Variants in FGF13 observed in about 807,000 individuals in gnomAD.
FGF13 encodes the protein fibroblast growth factor homologous factor 2.
A neutral mutation model predicts 19.5 loss-of-function variants in FGF13; 2 were observed. That is an observed-to-expected ratio of 0.10 (90% CI 0.04 to 0.32). The LOEUF (loss-of-function observed/expected upper bound fraction) is 0.32, where lower values mean the gene tolerates loss of function less well. Ranked by LOEUF, FGF13 falls within the 10% of genes least tolerant of loss-of-function variation. FGF13 has a pLI of 1.00. For synonymous variants in FGF13, 72 were observed against 76.9 expected (o/e 0.94, Z 0.33); for missense variants, 113 against 192.7 (o/e 0.59, Z 2.45).
intron 1 of FGF13, among the ~76,000 whole-genome samples, chrX:139,193,983 A>ACAT (rs749138060): frequency 8.9e-6 from 1 of 112,086 alleles, no homozygotes; most frequent in East Asian, 2.8e-4. Context: ...CCATATGGGC[A>ACAT]CATATTCATA....
chrX:138,885,563 C>T (rs968304197), intron 1 of FGF13, among the ~76,000 whole-genome samples: 7 of 109,584 alleles, frequency 6.4e-5, no homozygotes, highest in Non-Finnish European at 1.1e-4. Context: ...GCTCACTCTA[C>T]TTCAGCCACA....
chrX:139,142,077 G>C (rs766324797), intron 1 of FGF13, among the ~76,000 whole-genome samples: 2 of 111,774 alleles, frequency 1.8e-5, no homozygotes, highest in South Asian at 7.5e-4. Flanking sequence ...ACATAGGCAA[G>C]TGAAAAAAAC....
At chrX:138,959,160 G>C (rs754888454) in intron 1 of FGF13, among the ~76,000 whole-genome samples, 1 of 111,694 alleles carries the variant, frequency 9.0e-6, no homozygotes, top group Admixed American at 9.5e-5. Flanking sequence ...TGGGCATTTA[G>C]TGCTCTAAAT....
chrX:138,713,158 C>T (rs1483408873), upstream of FGF13, among the ~76,000 whole-genome samples: 1 of 112,449 alleles, frequency 8.9e-6, no homozygotes, highest in African/African-American at 3.2e-5. Context: ...CTCTTTTGTG[C>T]TTTTGGCTTT....
intron 1 of FGF13, among the ~76,000 whole-genome samples, chrX:139,012,209 A>G (rs975127081): frequency 8.9e-6 from 1 of 112,201 alleles, no homozygotes; most frequent in African/African-American, 3.2e-5. Context: ...ACAAACAAAT[A>G]GAAACACATC....
intron 1 of FGF13, among the ~76,000 whole-genome samples, chrX:139,089,342 G>A (rs983540284): frequency 8.9e-6 from 1 of 112,274 alleles, no homozygotes; most frequent in African/African-American, 3.2e-5. Flanking sequence ...CCTTTGCACT[G>A]TTTAAAATAA....
At chrX:139,113,879 T>C (rs1055370257) in intron 1 of FGF13, among the ~76,000 whole-genome samples, 2 of 112,043 alleles carry the variant, frequency 1.8e-5, no homozygotes, top group African/African-American at 6.5e-5. Flanking sequence ...AGCGCCCTTC[T>C]GGCTCCAATA....
chrX:138,676,038 C>T (rs770611539), intron 3 of FGF13, among the ~76,000 whole-genome samples: 5 of 111,352 alleles, frequency 4.5e-5, no homozygotes, highest in Middle Eastern at 4.7e-3. Context: ...GCTAAATCAT[C>T]GAGAAAAATG....
At chrX:138,712,026 C>T (rs934677869), upstream of FGF13, 1 of 111,094 alleles carries the variant, frequency 9.0e-6, no homozygotes, top group African/African-American at 3.3e-5. Context: ...GGTGTTTCCT[C>T]AGTGTTTGAG....
chrX:139,046,341 C>G (rs528120891), intron 1 of FGF13, among the ~76,000 whole-genome samples: 2 of 111,451 alleles, frequency 1.8e-5, no homozygotes, highest in African/African-American at 6.6e-5. Flanking sequence ...ACACCTTCCA[C>G]GACGCCCCAC....
intron 1 of FGF13, among the ~76,000 whole-genome samples, chrX:139,031,828 A>G (rs2092227712): frequency 9.1e-6 from 1 of 110,475 alleles, no homozygotes; most frequent in South Asian, 3.8e-4. Flanking sequence ...TGACACCAGA[A>G]CTCCTTGAAA....
At chrX:138,799,129 C>T (rs781291574) in intron 3 of FGF13, among the ~76,000 whole-genome samples, 2 of 111,459 alleles carry the variant, frequency 1.8e-5, no homozygotes, top group Non-Finnish European at 3.8e-5. Flanking sequence ...TCTTGCTTCT[C>T]TAGTTCTTTT....
chrX:138,857,079 G>A (rs774492160), downstream of FGF13, among the ~76,000 whole-genome samples: 1 of 112,077 alleles, frequency 8.9e-6, no homozygotes, highest in South Asian at 3.7e-4. Context: ...CAAGTGCAAT[G>A]CAAAAGCTTT....
At chrX:139,166,734 A>C (rs1339745595) in intron 1 of FGF13, among the ~76,000 whole-genome samples, 4 of 111,605 alleles carry the variant, frequency 3.6e-5, no homozygotes, top group Non-Finnish European at 5.6e-5. Flanking sequence ...CCTAGCCTCT[A>C]GAACCATTAG....
At chrX:138,848,096 G>T (rs1351631671) in intron 3 of FGF13, among the ~76,000 whole-genome samples, 1 of 112,353 alleles carries the variant, frequency 8.9e-6, no homozygotes, top group African/African-American at 3.2e-5. Flanking sequence ...TTGCTTGCAA[G>T]AAAGAATGTT....
intron 1 of FGF13, among the ~76,000 whole-genome samples, chrX:139,043,889 G>A (rs778377591): frequency 8.9e-6 from 1 of 112,065 alleles, no homozygotes; most frequent in South Asian, 3.7e-4. Flanking sequence ...ATTACATGAT[G>A]CTATTCATAT....
At chrX:138,856,181 T>C (rs926469271), downstream of FGF13, among the ~76,000 whole-genome samples, 1 of 111,598 alleles carries the variant, frequency 9.0e-6, no homozygotes, top group Non-Finnish European at 1.9e-5. Context: ...TCCAGATGAA[T>C]ATATGTGGAA....
intron 3 of FGF13, among the ~76,000 whole-genome samples, chrX:138,774,680 C>T (rs1241957929): frequency 9.0e-6 from 1 of 111,464 alleles, no homozygotes; most frequent in Non-Finnish European, 1.9e-5. Flanking sequence ...TGCCCACTTC[C>T]ACACCAAATG....
At chrX:138,763,757 G>C (rs750826703) in intron 3 of FGF13, among the ~76,000 whole-genome samples, 1 of 111,153 alleles carries the variant, frequency 9.0e-6, no homozygotes, top group Non-Finnish European at 1.9e-5. Context: ...TCTCCACATG[G>C]TATGTTGCAG....
Sources: gnomAD v4.1 joint callset for allele counts (sites outside exome capture counted in the v4.1 genomes callset) on GRCh38, gnomAD v4.1.1 for gene constraint, MANE v1.5 for transcripts, NCBI Gene and HGNC (gene_info 2026-07-23, HGNC 2026-07-21) for gene names.